Variants in THRB observed in about 807,000 individuals in gnomAD.
THRB encodes the protein nuclear receptor subfamily 1 group A member 2.
In THRB, 12 loss-of-function variants were observed where a neutral mutation model predicts 47.8. The observed-to-expected ratio is 0.25, with a 90% CI of 0.16 to 0.41. The LOEUF (loss-of-function observed/expected upper bound fraction) is 0.41. Ranked by LOEUF, THRB falls within the 10% of genes least tolerant of loss-of-function variation. The pLI is 1.00. For synonymous variants in THRB, 218 were observed against 212.2 expected (o/e 1.03, Z -0.24); for missense variants, 348 against 589.2 (o/e 0.59, Z 4.24).
chr3:24,145,744 C>T (rs1355828238), intron 7 of THRB, among the ~76,000 whole-genome samples: 1 of 152,128 alleles, frequency 6.6e-6, no homozygotes, highest in Non-Finnish European at 1.5e-5. Context: ...CTATTTCTCA[C>T]ATAAAATGTG....
intron 3 of THRB, among the ~76,000 whole-genome samples, chr3:24,288,331 G>A (rs917860068): frequency 2.0e-5 from 3 of 152,156 alleles, no homozygotes; most frequent in Admixed American, 6.5e-5. Context: ...GTTTTCCACC[G>A]TCTACATCTG....
intron 1 of THRB, among the ~76,000 whole-genome samples, chr3:24,379,066 C>T (rs990570477): frequency 5.3e-5 from 8 of 152,086 alleles, no homozygotes; most frequent in African/African-American, 9.7e-5. Context: ...AGATGAGAGT[C>T]GCACAGCCCT....
intron 4 of THRB, among the ~76,000 whole-genome samples, chr3:24,217,108 A>G (rs1017775836): frequency 2.0e-5 from 3 of 148,920 alleles, no homozygotes; most frequent in African/African-American, 7.3e-5. Flanking sequence ...AGATATTAAT[A>G]TAATATTTAA....
At chr3:24,425,514 AATATC>A (rs1271849144) in intron 1 of THRB, among the ~76,000 whole-genome samples, 2 of 151,952 alleles carry the variant, frequency 1.3e-5, no homozygotes, top group East Asian at 3.9e-4. Flanking sequence ...AGGTAAGAAA[AATATC>A]ATAAATACTC....
chr3:24,452,146 T>A (rs567356014), intron 1 of THRB, among the ~76,000 whole-genome samples: 4 of 152,334 alleles, frequency 2.6e-5, no homozygotes, highest in South Asian at 2.1e-4. Flanking sequence ...CTGCACCAAA[T>A]GACAGATCTT....
chr3:24,157,430 G>A lies in THRB; in HGVS notation c.284-4940C>T, dbSNP rs116811936. Among the ~76,000 whole-genome samples the A allele has an allele frequency of 4.7e-3, 721 of 152,146 alleles. 3 individuals carry two copies. The highest frequency in any genetic ancestry group is 7.8e-3 in the Non-Finnish European group (531 of 67,988). ...GGCCAAAGGACCCTGGATTCTCATCGGAGGCTTTAGTGCAGAAAAAGGGAC... is the reference window on the plus strand; with the variant it reads ...GGCCAAAGGACCCTGGATTCTCATCAGAGGCTTTAGTGCAGAAAAAGGGAC... On this transcript the variant is annotated intron_variant, in intron 5 of 10. Coordinates refer to ENST00000646209, the MANE Select transcript of THRB (RefSeq NM_001354712.2).
chr3:24,411,294 A>G (rs182900095), intron 1 of THRB, among the ~76,000 whole-genome samples: 27 of 151,982 alleles, frequency 1.8e-4, no homozygotes, highest in East Asian at 1.6e-3. Context: ...TTCAGGGCAT[A>G]ATTCATTTGC....
intron 2 of THRB, among the ~76,000 whole-genome samples, chr3:24,298,939 T>G (rs927947550): frequency 2.0e-5 from 3 of 152,212 alleles, no homozygotes; most frequent in Admixed American, 2.0e-4. Flanking sequence ...AGTTAATATT[T>G]TTTTTTCTGC....
intron 2 of THRB, among the ~76,000 whole-genome samples, chr3:24,303,172 T>C (rs949015035): frequency 6.6e-6 from 1 of 152,212 alleles, no homozygotes; most frequent in African/African-American, 2.4e-5. Flanking sequence ...TGTTTTTCAC[T>C]TGATAAAACA....
At chr3:24,437,758 GGA>G (rs1180087951) in intron 1 of THRB, among the ~76,000 whole-genome samples, 6 of 152,004 alleles carry the variant, frequency 3.9e-5, no homozygotes, top group Admixed American at 1.3e-4. Flanking sequence ...AAGCCAGAAA[GGA>G]GATACAGGGA....
intron 1 of THRB, among the ~76,000 whole-genome samples, chr3:24,488,492 C>T (rs1015974221): frequency 2.7e-4 from 41 of 150,224 alleles, no homozygotes; most frequent in South Asian, 4.2e-4. Context: ...GCAAGACAAA[C>T]GTAAGTTGAG....
At chr3:24,258,009 G>T (rs918798953) in intron 3 of THRB, among the ~76,000 whole-genome samples, 2 of 152,196 alleles carry the variant, frequency 1.3e-5, no homozygotes, top group Admixed American at 6.5e-5. Flanking sequence ...AGGGTCTGTA[G>T]TTTTCTGAGA....
intron 5 of THRB, among the ~76,000 whole-genome samples, chr3:24,173,794 C>T (rs144620535): frequency 8.5e-4 from 129 of 152,320 alleles, no homozygotes; most frequent in African/African-American, 2.9e-3. Context: ...GTGAAGCCAT[C>T]AGTGTCTACA....
At chr3:24,391,214 T>A (rs996357252) in intron 1 of THRB, among the ~76,000 whole-genome samples, 1 of 152,132 alleles carries the variant, frequency 6.6e-6, no homozygotes, top group Non-Finnish European at 1.5e-5. Context: ...GTATGGAACA[T>A]TTAGCCACTG....
chr3:24,421,934 T>C (rs1020811425), intron 1 of THRB, among the ~76,000 whole-genome samples: 1 of 151,964 alleles, frequency 6.6e-6, no homozygotes, highest in Admixed American at 6.6e-5. Context: ...ATTTAGTGAT[T>C]TGCTCCAAGG....
intron 8 of THRB, among the ~76,000 whole-genome samples, chr3:24,133,707 G>C (rs894220800): frequency 2.0e-5 from 3 of 151,876 alleles, no homozygotes; most frequent in African/African-American, 7.3e-5. Flanking sequence ...GAGAGAGAGA[G>C]AGAGAGAGAG....
chr3:24,190,479 G>C (rs1010431510), intron 4 of THRB, 145 bp from the exon 5 acceptor site: 132 of 1,063,156 alleles, frequency 1.2e-4, no homozygotes, highest in Non-Finnish European at 1.7e-4. Flanking sequence ...ATAAGATGCA[G>C]AATTTGTCAG....
At chr3:24,475,387 A>G (rs1695295442) in intron 1 of THRB, among the ~76,000 whole-genome samples, 1 of 152,212 alleles carries the variant, frequency 6.6e-6, no homozygotes, top group East Asian at 1.9e-4. Flanking sequence ...CATTTGCAAT[A>G]TCTTCAATAT....
rs538010626 is a variant in THRB at position 24,166,109 on chromosome 3, G to A, written c.284-13619C>T. ...TTTAAAACATGCCAAGGAAGTACAC[G>A]GTTGAAAATGCTGCTGATGTCTGCA... is the stretch of plus-strand genomic sequence containing the variant. On this transcript the variant is annotated intron_variant, in intron 5 of 10. Transcript: ENST00000646209. Among the ~76,000 whole-genome samples, 38 of 152,256 alleles carry A rather than the reference G, an allele frequency of 2.5e-4. No individual in the cohort carries two copies. The South Asian group carries it at 7.1e-3, about 28-fold the overall frequency.
Sources: allele counts gnomAD v4.1 joint callset (sites outside exome capture counted in the v4.1 genomes callset), GRCh38; gene constraint gnomAD v4.1.1; transcripts MANE v1.5; gene names NCBI Gene and HGNC (gene_info 2026-07-23, HGNC 2026-07-21).